Variants in AP1G1 observed in about 807,000 individuals in gnomAD.
AP1G1 encodes the protein AP-1 complex subunit gamma-1.
Under a neutral mutation model 108.3 loss-of-function variants are expected in AP1G1, and 7 were observed. That is an observed-to-expected ratio of 0.06 (90% CI 0.04 to 0.12). AP1G1 has a LOEUF of 0.12. Ranked by LOEUF, AP1G1 falls within the 10% of genes least tolerant of loss-of-function variation. The probability of loss-of-function intolerance (pLI) is 1.00; values close to 1 mark genes in which losing one functional copy is unlikely to be tolerated. For synonymous variants in AP1G1, 379 were observed against 353.5 expected (o/e 1.07, Z -0.81); for missense variants, 756 against 1,010.7 (o/e 0.75, Z 3.42).
At position 71,748,389 on chromosome 16, in the gene AP1G1, G is replaced by A. The variant is rs1352597002; in HGVS notation, c.1498-11C>T. 6.2e-7 allele frequency: 1 copy of A among 1,606,664 alleles called. No homozygotes were observed. The highest frequency in any genetic ancestry group is 8.5e-7 in the Non-Finnish European group (1 of 1,178,040). On this transcript the variant is annotated splice_polypyrimidine_tract_variant and intron_variant, in intron 15 of 22. Coordinates refer to ENST00000299980, the MANE Select transcript of AP1G1 (RefSeq NM_001128.6). ...TTCATCCTCTGTTACCTGAGGAGGAGGAGGAAAAAGAAGACGATGAAGAAT... is the reference window on the plus strand; with the variant it reads ...TTCATCCTCTGTTACCTGAGGAGGAAGAGGAAAAAGAAGACGATGAAGAAT...
intron 1 of AP1G1, among the ~76,000 whole-genome samples, chr16:71,804,004 G>C (rs1424301098): frequency 6.6e-6 from 1 of 151,036 alleles, no homozygotes; most frequent in East Asian, 1.9e-4. Context: ...ATACAAAAAG[G>C]CAACTGTAAA....
At chr16:71,808,037 T>TCTC in intron 1 of AP1G1, 2 of 1,195,310 alleles carry the variant, frequency 1.7e-6, no homozygotes, top group Non-Finnish European at 2.1e-6. Context: ...GTTCGATGGA[T>TCTC]CTCCTACACC....
intron 4 of AP1G1, among the ~76,000 whole-genome samples, chr16:71,771,658 T>C (rs1417572899): frequency 1.3e-5 from 2 of 152,232 alleles, no homozygotes; most frequent in African/African-American, 4.8e-5. Flanking sequence ...GCAAAAACTT[T>C]CTACATTAGA....
intron 11 of AP1G1, chr16:71,758,549 A>G (rs1338284104): frequency 1.7e-6 from 1 of 595,280 alleles, no homozygotes; most frequent in Non-Finnish European, 3.2e-6. Flanking sequence ...TGTATTTATC[A>G]AAGAGCCAAG....
chr16:71,744,074 C>A (rs183398504), intron 19 of AP1G1, among the ~76,000 whole-genome samples: 1 of 151,912 alleles, frequency 6.6e-6, no homozygotes. Context: ...GAAACCCCAT[C>A]TCTACTAAAA....
chr16:71,740,980 A>G (rs950326459), intron 19 of AP1G1, among the ~76,000 whole-genome samples: 5 of 152,230 alleles, frequency 3.3e-5, no homozygotes, highest in African/African-American at 1.2e-4. Context: ...TGGGGTGGGA[A>G]AAAGAAATAG....
chr16:71,743,992 C>T (rs1409690433), intron 19 of AP1G1, among the ~76,000 whole-genome samples: 1 of 150,486 alleles, frequency 6.6e-6, no homozygotes. Flanking sequence ...CGCCTGTAAT[C>T]CCAGCACTTT....
At chr16:71,783,691 G>C (rs938750507) in intron 2 of AP1G1, among the ~76,000 whole-genome samples, 4 of 152,152 alleles carry the variant, frequency 2.6e-5, no homozygotes, top group African/African-American at 9.7e-5. Context: ...GGCTAGAACT[G>C]AGGAAAAACA....
chr16:71,745,152 T>C lies in AP1G1; in HGVS notation c.1991A>G (p.Asn664Ser), dbSNP rs543136921. 9 of 1,614,012 alleles carry C rather than the reference T, an allele frequency of 5.6e-6. No homozygotes were observed. In the Admixed American group the frequency reaches 6.7e-5, roughly 12 times the overall value. ...GCTCCAGACTGCCTCACCTGTAAGG[T>C]TGATGTCTCCCAGCAAATCAAGAAG... ...GELLDLLGDINLTGAPAAAPA... is the reference protein window; with the variant it reads ...GELLDLLGDISLTGAPAAAPA... The change falls in exon 19 of 23, where the codon AAC (asparagine) becomes AGC (serine). Residue 664 changes from asparagine (N) to serine (S), a missense_variant. By Grantham distance (46) the Asn-to-Ser change is conservative. Coordinates refer to ENST00000299980, the MANE Select transcript of AP1G1 (RefSeq NM_001128.6).
chr16:71,743,662 A>G (rs1449947624), intron 19 of AP1G1: 2 of 151,416 alleles, frequency 1.3e-5, no homozygotes, highest in African/African-American at 2.4e-5. Context: ...GAAATTTAGG[A>G]TAGAAGTTGT....
At chr16:71,795,752 T>C (rs1450352434) in intron 1 of AP1G1, among the ~76,000 whole-genome samples, 4 of 152,242 alleles carry the variant, frequency 2.6e-5, no homozygotes, top group African/African-American at 7.2e-5. Flanking sequence ...CTGGCTATCA[T>C]TACACTGATC....
intron 2 of AP1G1, among the ~76,000 whole-genome samples, chr16:71,780,538 C>T (rs2031975771): frequency 6.8e-6 from 1 of 147,486 alleles, no homozygotes. Flanking sequence ...ATGATATGAA[C>T]AATCACCTTA....
At chr16:71,745,061 T>C in intron 19 of AP1G1, 83 bp downstream of exon 19, 1 of 1,485,966 alleles carries the variant, frequency 6.7e-7, no homozygotes, top group Middle Eastern at 1.8e-4. Context: ...ATGATTCACG[T>C]GCTGGAAAGT....
intron 1 of AP1G1, among the ~76,000 whole-genome samples, chr16:71,794,479 G>A (rs2032509426): frequency 6.6e-6 from 1 of 152,010 alleles, no homozygotes; most frequent in South Asian, 2.1e-4. Flanking sequence ...ACGGATTATA[G>A]ATTAATGTGT....
intron 1 of AP1G1, among the ~76,000 whole-genome samples, chr16:71,804,293 G>T (rs1035884688): frequency 6.6e-6 from 1 of 151,812 alleles, no homozygotes; most frequent in Non-Finnish European, 1.5e-5. Flanking sequence ...TGATCCACCC[G>T]CCTCGGCCTC....
intron 3 of AP1G1, chr16:71,774,237 G>A (rs2031688737): frequency 2.2e-6 from 1 of 444,570 alleles, no homozygotes; most frequent in Non-Finnish European, 4.0e-6. Context: ...AATTAGCCAG[G>A]CGTGGTGGCA....
At chr16:71,808,601 G>A (rs1197989654) in intron 1 of AP1G1, 162 bp downstream of exon 1, 1 of 1,289,554 alleles carries the variant, frequency 7.8e-7, no homozygotes, top group East Asian at 5.5e-5. Flanking sequence ...GCAGCCCCTG[G>A]GGCTCCCGGC....
At chr16:71,771,679 T>G (rs979382489) in intron 4 of AP1G1, among the ~76,000 whole-genome samples, 2 of 152,232 alleles carry the variant, frequency 1.3e-5, no homozygotes, top group African/African-American at 4.8e-5. Flanking sequence ...CTATGTATGG[T>G]TAATATGAAT....
At chr16:71,764,602 C>T (rs1309765373) in intron 8 of AP1G1, 44 bp downstream of exon 8, 5 of 1,446,684 alleles carry the variant, frequency 3.5e-6, no homozygotes, top group Admixed American at 2.3e-5. Flanking sequence ...CTACTCCCAG[C>T]GAAACTAAAA....
Sources: gnomAD v4.1 joint callset for allele counts (sites outside exome capture counted in the v4.1 genomes callset) on GRCh38, gnomAD v4.1.1 for gene constraint, MANE v1.5 for transcripts, NCBI Gene and HGNC (gene_info 2026-07-23, HGNC 2026-07-21) for gene names.